Variants in ADGRL3 observed in about 807,000 individuals in gnomAD.
ADGRL3 encodes calcium-independent alpha-latrotoxin receptor 3.
In ADGRL3, 62 loss-of-function variants were observed where a neutral mutation model predicts 153.5. That is an observed-to-expected ratio of 0.40 (90% confidence interval 0.33 to 0.50). ADGRL3 has a LOEUF of 0.50. Ranked by LOEUF, ADGRL3 falls within the 20% of genes least tolerant of loss-of-function variation. The pLI, the probability that ADGRL3 is intolerant of heterozygous loss-of-function variation, is 0.47. For missense variants in ADGRL3, 1,641 were observed against 1,859.4 expected (o/e 0.88, Z 2.16); for synonymous variants, 710 against 672.5 (o/e 1.06, Z -0.86).
intron 2 of ADGRL3, among the ~76,000 whole-genome samples, chr4:61,479,829 G>T (rs1428756914): frequency 1.3e-5 from 2 of 151,914 alleles, no homozygotes; most frequent in African/African-American, 2.4e-5. Context: ...CTTGTTATCT[G>T]TAAGAATACA....
chr4:61,974,125 G>A (rs1387793545), intron 17 of ADGRL3, among the ~76,000 whole-genome samples: 2 of 151,946 alleles, frequency 1.3e-5, no homozygotes, highest in Non-Finnish European at 2.9e-5. Flanking sequence ...CCTCCACCCT[G>A]TCCAGCTAAT....
chr4:61,561,114 C>T (rs1051401001), intron 4 of ADGRL3, among the ~76,000 whole-genome samples: 3 of 151,984 alleles, frequency 2.0e-5, no homozygotes, highest in African/African-American at 4.8e-5. Flanking sequence ...GATTTATTTG[C>T]CATTCAGAGA....
intron 6 of ADGRL3, among the ~76,000 whole-genome samples, chr4:61,717,614 A>G (rs1456674158): frequency 6.6e-6 from 1 of 152,242 alleles, no homozygotes; most frequent in Non-Finnish European, 1.5e-5. Context: ...CATAGTAAAC[A>G]TTCAATAGTT....
At chr4:61,903,352 C>G (rs759520375) in intron 11 of ADGRL3, among the ~76,000 whole-genome samples, 3 of 152,126 alleles carry the variant, frequency 2.0e-5, no homozygotes, top group Non-Finnish European at 4.4e-5. Context: ...ACGTCATACA[C>G]TTTCCTGTCA....
At chr4:61,569,999 G>A (rs1221700520) in intron 4 of ADGRL3, among the ~76,000 whole-genome samples, 1 of 151,972 alleles carries the variant, frequency 6.6e-6, no homozygotes, top group East Asian at 1.9e-4. Flanking sequence ...TGAATATTTG[G>A]ATTGTTTTGA....
rs1038245936 is a variant in ADGRL3 at position 61,736,004 on chromosome 4, A to G, written c.1399+2450A>G. Reference sequence around the variant, plus strand: ...TTTAGCATACATACAATTTTAGCATATAATAAACATATGAATATACTCATA... The same window carrying G: ...TTTAGCATACATACAATTTTAGCATGTAATAAACATATGAATATACTCATA... On this transcript the variant is annotated intron_variant, in intron 8 of 26. Transcript: ENST00000683033. 5.3e-5 allele frequency among the ~76,000 whole-genome samples: 8 copies of G among 152,110 alleles called. No individual in the cohort carries two copies. The East Asian group carries it at 7.7e-4, about 15-fold the overall frequency.
chr4:61,516,848 C>A, intron 3 of ADGRL3, among the ~76,000 whole-genome samples: 1 of 151,988 alleles, frequency 6.6e-6, no homozygotes, highest in East Asian at 1.9e-4. Context: ...ACAAAAGACA[C>A]CTTTCTGGGA....
At chr4:61,357,278 CG>C (rs1223470133) in intron 1 of ADGRL3, among the ~76,000 whole-genome samples, 1 of 151,714 alleles carries the variant, frequency 6.6e-6, no homozygotes, top group Non-Finnish European at 1.5e-5. Flanking sequence ...TTTAGGAATA[CG>C]AAAACTATTT....
At chr4:61,302,223 G>T (rs1299059998) in intron 1 of ADGRL3, among the ~76,000 whole-genome samples, 1 of 152,068 alleles carries the variant, frequency 6.6e-6, no homozygotes, top group Non-Finnish European at 1.5e-5. Context: ...AAAGGGTGAT[G>T]ATGGGCAATA....
In ADGRL3 at chr4:61,862,782, A is replaced by G. The variant is rs527906892; in HGVS notation, c.1481-29874A>G. Among the ~76,000 whole-genome samples the G allele has an allele frequency of 3.9e-5, 6 of 152,294 alleles. No individual in the cohort carries two copies. In the South Asian group the frequency reaches 1.2e-3, roughly 32 times the overall value. On this transcript the variant is annotated intron_variant, in intron 9 of 26. Coordinates refer to ENST00000683033, the MANE Select transcript of ADGRL3 (RefSeq NM_001387552.1). ...GGTGACCTAGGACTCTTTTGAAACA[A>G]GATCTCCCAGTGATTCTGATGCTTG... is the stretch of plus-strand genomic sequence containing the variant.
rs775577125 is a variant in ADGRL3 at position 62,070,235 on chromosome 4, G to A, written c.3959G>A (p.Arg1320His). Residue 1320 changes from arginine to histidine, a missense_variant, in exon 27 of 27, where the codon CGT (arginine) becomes CAT (histidine). Physicochemically the swap from Arg to His is conservative, Grantham distance 29. Transcript: ENST00000683033. ...AGCAACTGTGTGCAAATCATAGACC[G>A]TGGCTATAACCATAACGAGACCGCC... is the stretch of plus-strand genomic sequence containing the variant. ...YLSNCVQIID[R>H]GYNHNETALE... is the part of the protein sequence containing the mutation. 35 of 1,613,442 alleles carry A rather than the reference G, an allele frequency of 2.2e-5. No homozygotes were observed. Among genetic ancestry groups the A allele is most frequent in the Admixed American group, 8.3e-5 (5 of 59,926 alleles).
At chr4:61,561,262 T>C (rs1311836426) in intron 4 of ADGRL3, among the ~76,000 whole-genome samples, 2 of 152,206 alleles carry the variant, frequency 1.3e-5, no homozygotes, top group African/African-American at 4.8e-5. Flanking sequence ...AAAGTAATTT[T>C]GGAAGAATGG....
chr4:61,831,104 G>A (rs1474621803), intron 9 of ADGRL3, among the ~76,000 whole-genome samples: 1 of 151,094 alleles, frequency 6.6e-6, no homozygotes, highest in Non-Finnish European at 1.5e-5. Context: ...GGCCAGGCTG[G>A]TCTCAAATGC....
intron 9 of ADGRL3, among the ~76,000 whole-genome samples, chr4:61,816,639 G>A (rs1381156458): frequency 6.6e-6 from 1 of 152,160 alleles, no homozygotes; most frequent in Non-Finnish European, 1.5e-5. Context: ...AAAACTGACT[G>A]ATAAAGGGAT....
In ADGRL3 at chr4:61,514,177, A is replaced by T. The variant is rs968022879; in HGVS notation, c.56-3138A>T. Among the ~76,000 whole-genome samples the T allele has an allele frequency of 7.2e-5, 11 of 152,356 alleles. No homozygotes were observed. In the Middle Eastern group the frequency reaches 0.017, roughly 236 times the overall value. ...AAGTGAGTGGAGAATGCCAGGGCATAGATACCACCTTCCTTGACCTAAGGA... is the reference window on the plus strand; with the variant it reads ...AAGTGAGTGGAGAATGCCAGGGCATTGATACCACCTTCCTTGACCTAAGGA... On this transcript the variant is annotated intron_variant, in intron 3 of 26. Coordinates refer to ENST00000683033, the MANE Select transcript of ADGRL3 (RefSeq NM_001387552.1).
intron 2 of ADGRL3, among the ~76,000 whole-genome samples, chr4:61,477,521 T>A (rs183313129): frequency 1.5e-3 from 236 of 152,316 alleles, no homozygotes; most frequent in African/African-American, 5.4e-3. Flanking sequence ...ATTTTAACTG[T>A]ATATGCTTTA....
At chr4:61,482,847 A>C (rs997906903) in intron 2 of ADGRL3, among the ~76,000 whole-genome samples, 3 of 152,182 alleles carry the variant, frequency 2.0e-5, no homozygotes, top group Admixed American at 1.3e-4. Context: ...TTTCAGGTGC[A>C]TGGTCTCTAG....
At chr4:61,889,879 A>C (rs1172436527) in intron 9 of ADGRL3, among the ~76,000 whole-genome samples, 4 of 152,180 alleles carry the variant, frequency 2.6e-5, no homozygotes, top group Non-Finnish European at 5.9e-5. Flanking sequence ...TGCTGAACAA[A>C]TCTTTTCACC....
chr4:61,551,971 A>G (rs2098742412), intron 4 of ADGRL3, among the ~76,000 whole-genome samples: 1 of 152,206 alleles, frequency 6.6e-6, no homozygotes, highest in Admixed American at 6.5e-5. Context: ...AACTTTGCCC[A>G]AAATGTAGAG....
Sources: gnomAD v4.1 joint callset for allele counts (sites outside exome capture counted in the v4.1 genomes callset) on GRCh38, gnomAD v4.1.1 for gene constraint, MANE v1.5 for transcripts, NCBI Gene and HGNC (gene_info 2026-07-23, HGNC 2026-07-21) for gene names.